FOXP2: variants seen among roughly 807,000 people sequenced by gnomAD.
FOXP2 encodes forkhead box P2, also known as forkhead box protein P2.
FOXP2 carries 12 observed loss-of-function variants against 115.8 expected under a neutral mutation model. The observed-to-expected ratio is 0.10, with a 90% CI of 0.07 to 0.17. The LOEUF (loss-of-function observed/expected upper bound fraction) is 0.17. Among genes scored for constraint, FOXP2 ranks in the 10% least tolerant of loss-of-function variants. The pLI, the probability that FOXP2 is intolerant of heterozygous loss-of-function variation, is 1.00. For missense variants in FOXP2, 629 were observed against 843.5 expected (o/e 0.75, Z 3.15); for synonymous variants, 328 against 297.7 (o/e 1.10, Z -1.05).
chr7:114,099,724 A>G (rs1339418393), intron 1 of FOXP2, among the ~76,000 whole-genome samples: 3 of 152,182 alleles, frequency 2.0e-5, no homozygotes, highest in Non-Finnish European at 4.4e-5. Context: ...GAATCCAAGG[A>G]TGCTCAAGTC....
intron 1 of FOXP2, among the ~76,000 whole-genome samples, chr7:114,141,021 G>A (rs908619300): frequency 1.3e-5 from 2 of 152,210 alleles, no homozygotes; most frequent in Non-Finnish European, 2.9e-5. Flanking sequence ...TTAGCTTGCT[G>A]TTGGCAACTC....
chr7:114,476,390 T>C (rs1051997196), intron 2 of FOXP2, among the ~76,000 whole-genome samples: 2 of 152,028 alleles, frequency 1.3e-5, no homozygotes, highest in Non-Finnish European at 2.9e-5. Context: ...TCTTTTCCCA[T>C]GCTTATTTTT....
At chr7:114,343,095 A>G (rs1199424222) in intron 2 of FOXP2, among the ~76,000 whole-genome samples, 1 of 151,618 alleles carries the variant, frequency 6.6e-6, no homozygotes, top group African/African-American at 2.4e-5. Flanking sequence ...TGTCATCTCT[A>G]GAACTAAGTA....
At chr7:114,573,891 G>T (rs1201978393) in intron 3 of FOXP2, among the ~76,000 whole-genome samples, 1 of 151,728 alleles carries the variant, frequency 6.6e-6, no homozygotes, top group Admixed American at 6.6e-5. Context: ...TTAAACAGGG[G>T]TCAAAAGCTC....
At chr7:114,173,205 C>A (rs62469185) in intron 1 of FOXP2, among the ~76,000 whole-genome samples, 4,679 of 151,788 alleles carry the variant, frequency 0.031, 118 homozygotes, top group Non-Finnish European at 0.049. Flanking sequence ...CTAAGTGGGA[C>A]TTTATTTTGT....
At chr7:114,155,523 A>G (rs1792641122) in intron 1 of FOXP2, among the ~76,000 whole-genome samples, 1 of 152,180 alleles carries the variant, frequency 6.6e-6, no homozygotes, top group African/African-American at 2.4e-5. Flanking sequence ...AGGAAAAGCT[A>G]CATTCTACAG....
intron 3 of FOXP2, among the ~76,000 whole-genome samples, chr7:114,549,977 G>T (rs1024425711): frequency 4.6e-5 from 7 of 151,846 alleles, no homozygotes; most frequent in African/African-American, 1.7e-4. Context: ...ATATTTATTT[G>T]CAGTAAGGCA....
chr7:114,351,607 A>C (rs1351567991), intron 2 of FOXP2, among the ~76,000 whole-genome samples: 1 of 152,072 alleles, frequency 6.6e-6, no homozygotes, highest in Non-Finnish European at 1.5e-5. Flanking sequence ...AAGTATGATA[A>C]AGTAATAGTT....
At chr7:114,389,144 T>C (rs1412288192) in intron 2 of FOXP2, among the ~76,000 whole-genome samples, 1 of 152,218 alleles carries the variant, frequency 6.6e-6, no homozygotes. Context: ...TAGTGAATGT[T>C]GTAACACTTA....
chr7:114,668,342 C>T (rs964966158), intron 16 of FOXP2: 1 of 152,016 alleles, frequency 6.6e-6, no homozygotes, highest in Non-Finnish European at 1.5e-5. Flanking sequence ...CATTTATATT[C>T]CATACTCCAT....
chr7:114,169,353 A>G (rs1182805877), intron 1 of FOXP2, among the ~76,000 whole-genome samples: 1 of 152,234 alleles, frequency 6.6e-6, no homozygotes, highest in Non-Finnish European at 1.5e-5. Flanking sequence ...TTGCATCAGC[A>G]TGACCTGGAT....
intron 2 of FOXP2, among the ~76,000 whole-genome samples, chr7:114,382,127 G>T (rs1423331514): frequency 2.0e-5 from 3 of 152,298 alleles, no homozygotes; most frequent in East Asian, 3.9e-4. Context: ...CAACTTAGTG[G>T]CTGGGAGAAG....
At chr7:114,654,195 T>G (rs1806445859) in intron 10 of FOXP2, 186 bp downstream of exon 10, 1 of 1,352,074 alleles carries the variant, frequency 7.4e-7, no homozygotes, top group African/African-American at 1.5e-5. Flanking sequence ...TTTTACAAAA[T>G]CTATCCAATC....
chr7:114,257,573 C>T (rs1183163136), intron 1 of FOXP2, among the ~76,000 whole-genome samples: 3 of 151,158 alleles, frequency 2.0e-5, no homozygotes, highest in African/African-American at 7.3e-5. Context: ...CCTGCCTCAG[C>T]CTCCCGAGTA....
At chr7:114,294,867 C>A (rs2694928) in intron 2 of FOXP2, among the ~76,000 whole-genome samples, 123,748 of 140,032 alleles carry the variant, frequency 0.88, 55,701 homozygotes, top group East Asian at 0.98. Context: ...TAAATAAATA[C>A]ATACATACAT....
intron 1 of FOXP2, among the ~76,000 whole-genome samples, chr7:114,127,897 G>C (rs16869679): frequency 0.14 from 21,165 of 152,010 alleles, 1,945 homozygotes; most frequent in East Asian, 0.39. Flanking sequence ...GACAGTACTA[G>C]GAGATTAAAA....
intron 1 of FOXP2, among the ~76,000 whole-genome samples, chr7:114,128,520 C>T (rs1791782522): frequency 6.6e-6 from 1 of 150,706 alleles, no homozygotes; most frequent in African/African-American, 2.4e-5. Flanking sequence ...TATTGTATTA[C>T]TAAATTTATT....
intron 3 of FOXP2, among the ~76,000 whole-genome samples, chr7:114,556,572 A>G (rs983614813): frequency 2.0e-5 from 3 of 152,238 alleles, no homozygotes; most frequent in Non-Finnish European, 4.4e-5. Flanking sequence ...TATAATAGAT[A>G]TTGCAGTGAA....
intron 2 of FOXP2, among the ~76,000 whole-genome samples, chr7:114,462,626 C>T (rs1195155187): frequency 6.6e-6 from 1 of 152,112 alleles, no homozygotes; most frequent in Admixed American, 6.5e-5. Context: ...CCGCCTCAGC[C>T]TCCCAAAGTG....
Sources: allele counts gnomAD v4.1 joint callset (sites outside exome capture counted in the v4.1 genomes callset), GRCh38; gene constraint gnomAD v4.1.1; transcripts MANE v1.5; gene names NCBI Gene and HGNC (gene_info 2026-07-23, HGNC 2026-07-21).